The following SLC35B3 variants were observed in gnomAD, a reference collection of about 807,000 sequenced individuals.
SLC35B3 encodes the protein solute carrier family 35 member B3.
Under a neutral mutation model 44.1 loss-of-function variants are expected in SLC35B3, and 35 were observed. The ratio of observed to expected loss-of-function variants is 0.79; its 90% CI spans 0.61 to 1.05. The LOEUF is 1.05. Among genes scored for constraint, SLC35B3 ranks in the 50% least tolerant of loss-of-function variants. The probability of loss-of-function intolerance (pLI) is 0.00; values close to 1 mark genes in which losing one functional copy is unlikely to be tolerated. For missense variants in SLC35B3, 414 were observed against 476.4 expected, an observed-to-expected ratio of 0.87 and a Z score of 1.22; for synonymous variants, 146 against 167.3, an observed-to-expected ratio of 0.87 and a Z score of 0.98.
chr6:8,416,730 T>C (rs896303845), intron 9 of SLC35B3, among the ~76,000 whole-genome samples, 154 bp downstream of exon 8: 2 of 152,204 alleles, frequency 1.3e-5, no homozygotes, highest in African/African-American at 4.8e-5. Flanking sequence ...TTCTTTAGAA[T>C]TCTAAAGAAA....
At chr6:8,417,676 C>T (rs1006358459) in intron 7 of SLC35B3, among the ~76,000 whole-genome samples, 182 bp from the exon 7 acceptor site, 1 of 151,882 alleles carries the variant, frequency 6.6e-6, no homozygotes, top group African/African-American at 2.4e-5. Context: ...TAAGTCTATG[C>T]CTCATTTTAT....
chr6:8,411,821 G>A lies in SLC35B3; in HGVS notation c.*1728C>T, dbSNP rs1282564221. Among the ~76,000 whole-genome samples, 1 of 152,132 alleles carries A rather than the reference G, an allele frequency of 6.6e-6. No individual in the cohort carries two copies. Among genetic ancestry groups the A allele is most frequent in the Non-Finnish European group, 1.5e-5 (1 of 68,012 alleles). ...TAAACAGTGTCCCCAAGAGCACTAA[G>A]CTTTTTAAACCAGTATTATTTATAT... On this transcript the variant is annotated 3_prime_UTR_variant, in exon 11 of 11. Coordinates refer to ENST00000644923, the MANE Select transcript of SLC35B3 (RefSeq NM_001370476.2).
chr6:8,414,860 C>A, intron 10 of SLC35B3, 48 bp downstream of exon 9: 2 of 1,042,484 alleles, frequency 1.9e-6, no homozygotes, highest in South Asian at 1.7e-5. Context: ...AAATGTGAAA[C>A]ACAGTATCTA....
At chr6:8,418,021 T>TCAGGC (rs1284231395) in intron 7 of SLC35B3, among the ~76,000 whole-genome samples, 3 of 152,138 alleles carry the variant, frequency 2.0e-5, no homozygotes, top group Admixed American at 2.0e-4. Context: ...CTGCTGTGTG[T>TCAGGC]CAGGTACTGT....
At chr6:8,418,228 G>A (rs1284643966) in intron 7 of SLC35B3, among the ~76,000 whole-genome samples, 3 of 152,054 alleles carry the variant, frequency 2.0e-5, no homozygotes, top group Admixed American at 2.0e-4. Flanking sequence ...CATAAACACT[G>A]CATTATATTA....
chr6:8,435,324 G>A lies in SLC35B3; in HGVS notation c.-44+19C>T. On this transcript the variant is annotated intron_variant, in intron 1 of 10. Coordinates refer to ENST00000644923, the MANE Select transcript of SLC35B3 (RefSeq NM_001370476.2). This position sits in a 1 kb window ranked among gnomAD's most constrained non-coding sequence, Gnocchi z 5.5. ...GATCTGGGTCCCAAACACAGGAAAG[G>A]CCCCGAAGGCACGCGTACCCCAAGG... 1 of 1,289,286 alleles carries A rather than the reference G, an allele frequency of 7.8e-7. No homozygotes were observed. Among genetic ancestry groups the A allele is most frequent in the Non-Finnish European group, 1.0e-6 (1 of 988,838 alleles). The allele number at this position is 1,289,286 out of a possible 1,614,324, so 79.9% of individuals were successfully genotyped here. A position where few individuals can be genotyped will look rare whatever the true frequency, so the allele number is the denominator to read the frequency against.
rs1244910502 is a variant in SLC35B3 at position 8,433,559 on chromosome 6, C to T, written c.3+826G>A. ...TTACCACTTCTAATACACTTCTTGG[C>T]AACTTTATGTGCTGCAGATCTAGGC... On this transcript the variant is annotated intron_variant, in intron 2 of 10. Transcript: ENST00000644923. This position sits in a 1 kb window ranked among gnomAD's most constrained non-coding sequence, Gnocchi z 4.1. 1.3e-5 allele frequency among the ~76,000 whole-genome samples: 2 copies of T among 152,164 alleles called. No individual in the cohort carries two copies. The highest frequency in any genetic ancestry group is 2.9e-5 in the Non-Finnish European group (2 of 68,034).
chr6:8,434,359 C>A lies in SLC35B3; in HGVS notation c.3+26G>T, dbSNP rs17143794. The A allele has an allele frequency of 5.9e-3, 9,525 of 1,609,022 alleles. 502 individuals carry two copies. In the African/African-American group the frequency reaches 0.11, roughly 19 times the overall value. Reference sequence around the variant, plus strand: ...GATTTTAACTATACTTTGCCACACTCAACGTTACAAATAAAAGAATCTTAC... The same window carrying A: ...GATTTTAACTATACTTTGCCACACTAAACGTTACAAATAAAAGAATCTTAC... On this transcript the variant is annotated intron_variant, in intron 2 of 10. Transcript: ENST00000644923. This position sits in a 1 kb window ranked among gnomAD's most constrained non-coding sequence, Gnocchi z 6.3.
chr6:8,435,149 C>CAG lies in SLC35B3; in HGVS notation c.-44+192_-44+193dup. The CAG allele has an allele frequency of 7.8e-7, 1 of 1,282,510 alleles. No homozygotes were observed. Among genetic ancestry groups the CAG allele is most frequent in the Non-Finnish European group, 1.0e-6 (1 of 985,718 alleles). 79.4% of individuals were successfully genotyped at this position (1,282,510 alleles called of 1,614,324 possible). Reference sequence around the variant, plus strand: ...AGGGCGAAAAACGGGCGAGGAGGAACAGATGCTCCTCCCTGGAAACCGCCC... The same window carrying CAG: ...AGGGCGAAAAACGGGCGAGGAGGAACAGAGATGCTCCTCCCTGGAAACCGCCC... On this transcript the variant is annotated intron_variant, in intron 1 of 10. Coordinates refer to ENST00000644923, the MANE Select transcript of SLC35B3 (RefSeq NM_001370476.2). The surrounding 1 kb of genome is among the most constrained non-coding windows in gnomAD (Gnocchi z 5.5).
rs190417249 is a variant in SLC35B3, at chr6:8,417,014, C to T, written c.874-19G>A. 12 of 1,393,544 alleles carry T rather than the reference C, an allele frequency of 8.6e-6. No homozygotes were observed. Among genetic ancestry groups the T allele is most frequent in the Middle Eastern group, 3.7e-4 (2 of 5,474 alleles). 86.3% of individuals were successfully genotyped at this position (1,393,544 alleles called of 1,614,324 possible). A position where few individuals can be genotyped will look rare whatever the true frequency, so the allele number is the denominator to read the frequency against. On this transcript the variant is annotated intron_variant, in intron 8 of 10. Coordinates refer to ENST00000644923, the MANE Select transcript of SLC35B3 (RefSeq NM_001370476.2). ...CTGGATTCTGCAAAAAATAAAAAAG[C>T]CTGTTAGAAAAATGTAAAACAAACT...
rs761720162 is a variant in SLC35B3 at position 8,420,682 on chromosome 6, A to G, written c.682+39T>C. The stretch of plus-strand genomic sequence containing the variant: ...ATTCGAAATTCGTATTCTAAACTAA[A>G]AAGCCTATAAAAGCTAGGAATATAA... On this transcript the variant is annotated intron_variant, in intron 6 of 10. Coordinates refer to ENST00000644923, the MANE Select transcript of SLC35B3 (RefSeq NM_001370476.2). This position sits in a 1 kb window ranked among gnomAD's most constrained non-coding sequence, Gnocchi z 4.4. 1.4e-6 allele frequency: 2 copies of G among 1,451,168 alleles called. No individual in the cohort carries two copies. Among genetic ancestry groups the G allele is most frequent in the Admixed American group, 3.9e-5 (2 of 51,838 alleles). The allele number at this position is 1,451,168 out of a possible 1,614,324, so 89.9% of individuals were successfully genotyped here.
In SLC35B3 at chr6:8,435,430, C is replaced by A. The variant is rs1290029197; in HGVS notation, c.-131G>T. The A allele has an allele frequency of 1.6e-6, 2 of 1,271,460 alleles. No homozygotes were observed. The highest frequency in any genetic ancestry group is 2.1e-6 in the Non-Finnish European group (2 of 974,310). The allele number at this position is 1,271,460 out of a possible 1,614,324, so 78.8% of individuals were successfully genotyped here. A position where few individuals can be genotyped will look rare whatever the true frequency, so the allele number is the denominator to read the frequency against. On this transcript the variant is annotated 5_prime_UTR_variant, in exon 1 of 11. Transcript: ENST00000644923. The surrounding 1 kb of genome is among the most constrained non-coding windows in gnomAD (Gnocchi z 5.5). ...AGCATCTCCCCCTCCCCTGGTCCGT[C>A]GCCATCACCTCCTCTTCCTCCTCCT... is the stretch of plus-strand genomic sequence containing the variant.
At chr6:8,413,791 C>A (rs1762172659) in intron 10 of SLC35B3, 92 bp from the exon 10 acceptor site, 3 of 741,308 alleles carry the variant, frequency 4.0e-6, no homozygotes, top group Non-Finnish European at 6.2e-6. Context: ...CATAATAATT[C>A]TTCAGTGAAG....
intron 7 of SLC35B3, among the ~76,000 whole-genome samples, chr6:8,418,346 A>G (rs1561748280): frequency 6.6e-6 from 1 of 152,144 alleles, no homozygotes; most frequent in Non-Finnish European, 1.5e-5. Context: ...TTCCTGTGTT[A>G]TTAGAGACTA....
rs2113328005 is a variant in SLC35B3 at position 8,419,457 on chromosome 6, T to C, written c.780+123A>G. On this transcript the variant is annotated intron_variant, in intron 7 of 10. Transcript: ENST00000644923. The surrounding 1 kb of genome is among the most constrained non-coding windows in gnomAD (Gnocchi z 4.3). ...TTTACCTTCCTATAATGTTTGAATG[T>C]ATTACTTTTGTAAAAATGAGTTTAA... 1 of 510,228 alleles carries C rather than the reference T, an allele frequency of 2.0e-6. No homozygotes were observed. The highest frequency in any genetic ancestry group is 3.5e-6 in the Non-Finnish European group (1 of 287,036). The allele number at this position is 510,228 out of a possible 1,614,324, so 31.6% of individuals were successfully genotyped here. A position where few individuals can be genotyped will look rare whatever the true frequency, so the allele number is the denominator to read the frequency against.
intron 4 of SLC35B3, among the ~76,000 whole-genome samples, chr6:8,426,790 T>G (rs886969419): frequency 2.0e-5 from 3 of 152,028 alleles, no homozygotes; most frequent in African/African-American, 7.3e-5. Context: ...CTGGAAGAGT[T>G]TGGAGGGCTC....
In SLC35B3 at chr6:8,427,943, C is replaced by T. The variant is rs2113480898; in HGVS notation, c.413G>A (p.Arg138Lys). 1.9e-6 allele frequency: 3 copies of T among 1,611,022 alleles called. No homozygotes were observed. The highest frequency in any genetic ancestry group is 2.5e-6 in the Non-Finnish European group (3 of 1,178,390). Residue 138 changes from arginine to lysine, a missense_variant, in exon 4 of 11, where the codon AGG becomes AAG. By Grantham distance (26) the Arg-to-Lys change is conservative. Transcript: ENST00000644923. ...ATAAAAACAAACCACATACCTCCTC[C>T]TTTTGTCCTGAATAAGCTGAAGTTC...
Position 8,434,304 on chromosome 6 carries a change from C to G in SLC35B3, c.3+81G>C. ...AAAAGGTAGAATATGAAAAAAAAGT[C>G]ATTACGGTGTCATTAACCTGAAAAA... On this transcript the variant is annotated intron_variant, in intron 2 of 10. Coordinates refer to ENST00000644923, the MANE Select transcript of SLC35B3 (RefSeq NM_001370476.2). The surrounding 1 kb of genome is among the most constrained non-coding windows in gnomAD (Gnocchi z 6.3). 4.4e-6 allele frequency: 6 copies of G among 1,348,614 alleles called. No homozygotes were observed. Among genetic ancestry groups the G allele is most frequent in the Non-Finnish European group, 5.3e-6 (5 of 948,710 alleles). 83.5% of individuals were successfully genotyped at this position (1,348,614 alleles called of 1,614,324 possible). A position where few individuals can be genotyped will look rare whatever the true frequency, so the allele number is the denominator to read the frequency against.
chr6:8,417,806 G>T (rs202208439), intron 7 of SLC35B3, among the ~76,000 whole-genome samples: 1 of 124,840 alleles, frequency 8.0e-6, no homozygotes, highest in Non-Finnish European at 1.7e-5. Context: ...AAAAATAAAT[G>T]AAACAAAACA....
Sources: gnomAD v4.1 joint callset for allele counts (sites outside exome capture counted in the v4.1 genomes callset) on GRCh38, gnomAD v4.1.1 for gene constraint, Gnocchi (gnomAD v3.1) non-coding constraint, MANE v1.5 for transcripts, NCBI Gene and HGNC (gene_info 2026-07-23, HGNC 2026-07-21) for gene names.